The following FAM110B variants were observed in gnomAD, a reference collection of about 807,000 sequenced individuals.
FAM110B encodes protein FAM110B.
A neutral mutation model predicts 20.4 loss-of-function variants in FAM110B; 6 were observed. The observed-to-expected ratio is 0.29, with a 90% CI of 0.16 to 0.58. The LOEUF (loss-of-function observed/expected upper bound fraction) is 0.58. Ranked by LOEUF, FAM110B falls within the 20% of genes least tolerant of loss-of-function variation. The pLI is 0.90. For synonymous variants in FAM110B, 226 were observed against 214.1 expected, an observed-to-expected ratio of 1.06 and a Z score of -0.49; for missense variants, 434 against 498.2, an observed-to-expected ratio of 0.87 and a Z score of 1.23.
intron 3 of FAM110B, among the ~76,000 whole-genome samples, chr8:58,108,172 G>A (rs538012005): frequency 1.3e-5 from 2 of 152,288 alleles, no homozygotes; most frequent in South Asian, 4.1e-4. Flanking sequence ...AAAACATTTT[G>A]TCTGAGCCTG....
At chr8:58,060,786 G>T (rs963594257) in intron 2 of FAM110B, among the ~76,000 whole-genome samples, 10 of 152,152 alleles carry the variant, frequency 6.6e-5, no homozygotes, top group Non-Finnish European at 4.4e-5. Flanking sequence ...ATCCCAAGCT[G>T]GGATTTGAGG....
rs532396644 is a variant in FAM110B, at chr8:58,004,553, TG to T, written c.-512+9749del. 5.1e-3 allele frequency among the ~76,000 whole-genome samples: 784 copies of T among 152,336 alleles called. 6 individuals are homozygous for T. Among genetic ancestry groups the T allele is most frequent in the Non-Finnish European group, 9.3e-3 (634 of 68,028 alleles). ...TGAGGTCAGGAGTTCAAGACCAGCC[TG>T]GCCAACATGGCGAAACCCTGTCTCT... is the stretch of plus-strand genomic sequence containing the variant. On this transcript the variant is annotated intron_variant, in intron 1 of 3. Transcript: ENST00000519262.
At chr8:58,013,327 C>T (rs1401364617) in intron 1 of FAM110B, among the ~76,000 whole-genome samples, 2 of 152,182 alleles carry the variant, frequency 1.3e-5, no homozygotes, top group East Asian at 3.9e-4. Flanking sequence ...GGGCTGTCCC[C>T]ATGGCGGTCT....
chr8:58,034,981 G>C (rs1214539430), intron 2 of FAM110B, among the ~76,000 whole-genome samples: 3 of 152,174 alleles, frequency 2.0e-5, no homozygotes, highest in African/African-American at 7.2e-5. Context: ...GTTAGTTTAA[G>C]TCATTGTCTA....
At chr8:58,122,282 A>G (rs552799242) in intron 3 of FAM110B, among the ~76,000 whole-genome samples, 10 of 152,284 alleles carry the variant, frequency 6.6e-5, no homozygotes, top group Middle Eastern at 3.4e-3. Flanking sequence ...GGAATTTTAC[A>G]GAAACTTGCC....
intron 1 of FAM110B, among the ~76,000 whole-genome samples, chr8:58,022,649 T>C (rs1220417340): frequency 6.6e-6 from 1 of 152,226 alleles, no homozygotes; most frequent in Non-Finnish European, 1.5e-5. Context: ...TTACTAACAT[T>C]ATGCTTAATT....
chr8:58,060,033 A>T (rs540239697), intron 2 of FAM110B, among the ~76,000 whole-genome samples: 52 of 152,188 alleles, frequency 3.4e-4, no homozygotes, highest in Non-Finnish European at 5.6e-4. Flanking sequence ...TTTGTTAAAA[A>T]TTGATTGTAT....
At chr8:58,034,728 C>T (rs780568360) in intron 2 of FAM110B, among the ~76,000 whole-genome samples, 1 of 152,166 alleles carries the variant, frequency 6.6e-6, no homozygotes, top group Non-Finnish European at 1.5e-5. Context: ...TGATCTTCTG[C>T]AGAATGGAGA....
At chr8:58,039,922 A>G (rs1247986032) in intron 2 of FAM110B, among the ~76,000 whole-genome samples, 1 of 152,184 alleles carries the variant, frequency 6.6e-6, no homozygotes, top group Non-Finnish European at 1.5e-5. Context: ...GTGCCTGTGG[A>G]GACAGTGGTG....
chr8:58,062,631 A>C (rs1805680304), intron 2 of FAM110B, among the ~76,000 whole-genome samples: 2 of 152,220 alleles, frequency 1.3e-5, no homozygotes, highest in South Asian at 4.1e-4. Context: ...ACACTGAAAT[A>C]TGATTGCTTT....
chr8:58,049,060 A>G (rs1805388698), intron 2 of FAM110B, among the ~76,000 whole-genome samples: 1 of 151,906 alleles, frequency 6.6e-6, no homozygotes, highest in Non-Finnish European at 1.5e-5. Flanking sequence ...AATGGTGATT[A>G]TTTTCTTTTT....
intron 2 of FAM110B, among the ~76,000 whole-genome samples, chr8:58,059,275 G>C (rs190034468): frequency 6.6e-6 from 1 of 152,164 alleles, no homozygotes; most frequent in South Asian, 2.1e-4. Context: ...GTGGACATAC[G>C]TTTTTATAGA....
At chr8:57,998,182 A>G (rs1021565651) in intron 1 of FAM110B, among the ~76,000 whole-genome samples, 2 of 152,216 alleles carry the variant, frequency 1.3e-5, no homozygotes, top group Non-Finnish European at 2.9e-5. Flanking sequence ...TTCAGGGGAA[A>G]CCTTTTAAGA....
intron 2 of FAM110B, among the ~76,000 whole-genome samples, chr8:58,072,455 G>A (rs1805923067): frequency 6.6e-6 from 1 of 152,132 alleles, no homozygotes; most frequent in Admixed American, 6.5e-5. Context: ...ACACCAAAGA[G>A]GCTTCTTTAT....
chr8:58,009,147 A>T (rs866641150), intron 1 of FAM110B, among the ~76,000 whole-genome samples: 24 of 152,250 alleles, frequency 1.6e-4, no homozygotes, highest in African/African-American at 5.3e-4. Flanking sequence ...GTCACATTCC[A>T]GCCAGCGGAG....
intron 1 of FAM110B, among the ~76,000 whole-genome samples, chr8:58,013,430 A>G (rs1804579034): frequency 1.3e-5 from 2 of 152,150 alleles, no homozygotes; most frequent in South Asian, 4.1e-4. Flanking sequence ...GGCTCAGTAA[A>G]TAGTTGTTTA....
chr8:58,050,907 G>A (rs1014754159), intron 2 of FAM110B, among the ~76,000 whole-genome samples: 2 of 152,162 alleles, frequency 1.3e-5, no homozygotes, highest in African/African-American at 4.8e-5. Flanking sequence ...TAAAATGCTT[G>A]GGAAATGCTG....
At chr8:58,129,111 C>G (rs979307748) in intron 3 of FAM110B, among the ~76,000 whole-genome samples, 1 of 152,176 alleles carries the variant, frequency 6.6e-6, no homozygotes, top group African/African-American at 2.4e-5. Flanking sequence ...GAGAAACATT[C>G]AACATCTTCC....
intron 3 of FAM110B, among the ~76,000 whole-genome samples, chr8:58,083,245 A>G (rs552527566): frequency 6.6e-6 from 1 of 152,326 alleles, no homozygotes; most frequent in Admixed American, 6.5e-5. Flanking sequence ...GGAGAAAGAA[A>G]GGCAAAAATG....
Sources: gnomAD v4.1 joint callset for allele counts (sites outside exome capture counted in the v4.1 genomes callset) on GRCh38, gnomAD v4.1.1 for gene constraint, MANE v1.5 for transcripts, NCBI Gene and HGNC (gene_info 2026-07-23, HGNC 2026-07-21) for gene names.